Variants in CCDC141 observed in about 807,000 individuals in gnomAD.
The protein encoded by CCDC141 is coiled-coil domain containing 141, also known as coiled-coil domain-containing protein 141.
A neutral mutation model predicts 181.0 loss-of-function variants in CCDC141; 168 were observed. The observed-to-expected ratio is 0.93, with a 90% CI of 0.82 to 1.05. The LOEUF (loss-of-function observed/expected upper bound fraction) is 1.05. CCDC141 is among the 50% of genes least tolerant of loss of function. The probability of loss-of-function intolerance (pLI) is 0.00; values close to 1 mark genes in which losing one functional copy is unlikely to be tolerated. For synonymous variants in CCDC141, 666 were observed against 642.3 expected (o/e 1.04, Z -0.56); for missense variants, 1,902 against 1,788.5 (o/e 1.06, Z -1.14).
At chr2:179,023,918 A>G (rs2042758577) in intron 2 of CCDC141, among the ~76,000 whole-genome samples, 1 of 152,184 alleles carries the variant, frequency 6.6e-6, no homozygotes, top group Non-Finnish European at 1.5e-5. Flanking sequence ...CTTGATATAC[A>G]TTATACAGGC....
rs1340792118 is a variant in CCDC141, at chr2:178,830,766, C to T, written c.*3407G>A. 6.6e-6 allele frequency: 1 copy of T among 152,328 alleles called. No individual in the cohort carries two copies. Among genetic ancestry groups the T allele is most frequent in the African/African-American group, 2.4e-5 (1 of 41,440 alleles). The allele number at this position is 152,328 out of a possible 1,614,324, so 9.4% of individuals were successfully genotyped here. A position where few individuals can be genotyped will look rare whatever the true frequency, so the allele number is the denominator to read the frequency against. On this transcript the variant is annotated 3_prime_UTR_variant, in exon 24 of 24. Transcript: ENST00000443758. ...ACTCTGGACTTGATGGGTCAGGAGG[C>T]TTCCCAGGGGAAGTTGTGTCTCAGC...
intron 5 of CCDC141, among the ~76,000 whole-genome samples, chr2:178,947,537 G>A (rs1689782483): frequency 6.6e-6 from 1 of 152,158 alleles, no homozygotes; most frequent in Admixed American, 6.6e-5. Context: ...ATTTGATAGG[G>A]CATTCTAGGT....
chr2:179,031,114 A>C (rs59582704), intron 2 of CCDC141, among the ~76,000 whole-genome samples: 1,661 of 152,186 alleles, frequency 0.011, 25 homozygotes, highest in African/African-American at 0.034. Context: ...AAAAAGACTA[A>C]ACTATCTCAA....
At chr2:178,894,339 A>T (rs1178988188) in intron 8 of CCDC141, among the ~76,000 whole-genome samples, 1 of 152,202 alleles carries the variant, frequency 6.6e-6, no homozygotes, top group Non-Finnish European at 1.5e-5. Flanking sequence ...AGTCAAAGAA[A>T]AAAACCCTCC....
rs933716264 is a variant in CCDC141 at position 178,832,507 on chromosome 2, T to C, written c.*1666A>G. Reference sequence around the variant, plus strand: ...AACAAAAAAAACAAAAAAAAGATAGTTAAGAGAAATTTCCTAGAATGCTGT... The same window carrying C: ...AACAAAAAAAACAAAAAAAAGATAGCTAAGAGAAATTTCCTAGAATGCTGT... On this transcript the variant is annotated 3_prime_UTR_variant, in exon 24 of 24. Coordinates refer to ENST00000443758, the MANE Select transcript of CCDC141 (RefSeq NM_173648.4). The C allele has an allele frequency of 6.8e-6, 1 of 148,134 alleles. No homozygotes were observed. Among genetic ancestry groups the C allele is most frequent in the East Asian group, 2.0e-4 (1 of 5,092 alleles). The allele number at this position is 148,134 out of a possible 1,614,324, so 9.2% of individuals were successfully genotyped here.
intron 17 of CCDC141, among the ~76,000 whole-genome samples, chr2:178,863,552 C>T (rs1274331160): frequency 6.6e-6 from 1 of 152,122 alleles, no homozygotes; most frequent in African/African-American, 2.4e-5. Flanking sequence ...TGGAAACTGC[C>T]ATCTGTTTGG....
At position 178,994,424 on chromosome 2, in the gene CCDC141, T is replaced by C. The variant is rs754892839; in HGVS notation, c.226-15749A>G. On this transcript the variant is annotated intron_variant, in intron 2 of 23. Transcript: ENST00000443758. ...GCTCTGTGTTGGTCCCTTTCAGCCA[T>C]GGCTGGAGTGGCTCGGTTGCAGGGC... is the stretch of plus-strand genomic sequence containing the variant. Among the ~76,000 whole-genome samples, 6 of 152,208 alleles carry C rather than the reference T, an allele frequency of 3.9e-5. 1 individual carries two copies. The highest frequency in any genetic ancestry group is 1.2e-4 in the African/African-American group (5 of 41,460).
the CCDC141 span, among the ~76,000 whole-genome samples, chr2:178,823,366 C>G: frequency 3.9e-5 from 6 of 152,100 alleles, no homozygotes; most frequent in Admixed American, 3.3e-4. Flanking sequence ...AACAGGCAAG[C>G]AAATTCTGTT....
chr2:178,954,358 A>G (rs2154378244), intron 5 of CCDC141, among the ~76,000 whole-genome samples: 1 of 152,372 alleles, frequency 6.6e-6, no homozygotes, highest in South Asian at 2.1e-4. Flanking sequence ...TTATCATTAA[A>G]TGTAAAACAA....
At chr2:178,841,460 A>G (rs1684713513) in intron 22 of CCDC141, among the ~76,000 whole-genome samples, 2 of 152,182 alleles carry the variant, frequency 1.3e-5, no homozygotes, top group African/African-American at 2.4e-5. Context: ...GAGTAAATCA[A>G]TTTGGCTCTT....
At chr2:178,914,878 G>C (rs879261938) in intron 7 of CCDC141, among the ~76,000 whole-genome samples, 10 of 151,960 alleles carry the variant, frequency 6.6e-5, no homozygotes, top group Admixed American at 6.6e-4. Flanking sequence ...TGTTAGAGAG[G>C]GGAATGAATG....
chr2:178,905,589 G>T (rs1687927861), intron 7 of CCDC141, 88 bp from the exon 8 acceptor site: 5 of 1,180,812 alleles, frequency 4.2e-6, no homozygotes, highest in South Asian at 3.5e-5. Context: ...ATTAAATCAG[G>T]CCAAACAATT....
At chr2:178,988,843 G>T (rs77452484) in intron 2 of CCDC141, among the ~76,000 whole-genome samples, 2,225 of 152,200 alleles carry the variant, frequency 0.015, 21 homozygotes, top group Admixed American at 0.027. Context: ...GTTCAGAAAT[G>T]TACCTATATG....
intron 6 of CCDC141, among the ~76,000 whole-genome samples, chr2:178,942,916 T>C (rs936526669): frequency 5.3e-5 from 8 of 152,322 alleles, no homozygotes; most frequent in Middle Eastern, 3.4e-3. Context: ...TTTTTGTTTA[T>C]GGACATCAGA....
At chr2:179,004,753 CAG>C (rs1247025340) in intron 2 of CCDC141, among the ~76,000 whole-genome samples, 4 of 152,024 alleles carry the variant, frequency 2.6e-5, no homozygotes, top group Admixed American at 6.6e-5. Context: ...GTTTTTGAGA[CAG>C]AGTCTTGCTC....
chr2:178,925,319 TG>T (rs2154375341), intron 6 of CCDC141, among the ~76,000 whole-genome samples: 1 of 152,366 alleles, frequency 6.6e-6, no homozygotes, highest in East Asian at 1.9e-4. Context: ...GGAAATCTCT[TG>T]TTTCCCTTAT....
chr2:178,823,908 T>G, the CCDC141 span, among the ~76,000 whole-genome samples: 1 of 152,214 alleles, frequency 6.6e-6, no homozygotes, highest in Non-Finnish European at 1.5e-5. Flanking sequence ...ACTGTTAAAA[T>G]GAGAGAAGCT....
intron 2 of CCDC141, among the ~76,000 whole-genome samples, chr2:178,979,772 A>G (rs902297689): frequency 6.6e-6 from 1 of 152,208 alleles, no homozygotes; most frequent in East Asian, 1.9e-4. Context: ...ACACTCATGA[A>G]CCTTTGTATC....
chr2:178,931,582 T>G (rs1689103637), intron 6 of CCDC141, among the ~76,000 whole-genome samples: 1 of 152,110 alleles, frequency 6.6e-6, no homozygotes, highest in Non-Finnish European at 1.5e-5. Context: ...CATTAAATAT[T>G]ATTTTATTTA....
Sources: allele counts gnomAD v4.1 joint callset (sites outside exome capture counted in the v4.1 genomes callset), GRCh38; gene constraint gnomAD v4.1.1; transcripts MANE v1.5; gene names NCBI Gene and HGNC (gene_info 2026-07-23, HGNC 2026-07-21).